Variants in FLRT2 observed in about 807,000 individuals in gnomAD.
FLRT2 encodes fibronectin leucine rich transmembrane protein 2.
FLRT2 carries 15 observed loss-of-function variants against 40.0 expected under a neutral mutation model. The observed-to-expected ratio is 0.38, with a 90% CI of 0.25 to 0.58. FLRT2 has a LOEUF of 0.58. FLRT2 is among the 20% of genes least tolerant of loss of function. The probability of loss-of-function intolerance (pLI) is 0.71; values close to 1 mark genes in which losing one functional copy is unlikely to be tolerated. For missense variants in FLRT2, 726 were observed against 840.0 expected (o/e 0.86, Z 1.68); for synonymous variants, 380 against 336.8 (o/e 1.13, Z -1.41).
chr14:85,605,402 G>A (rs1892560681), intron 1 of FLRT2, among the ~76,000 whole-genome samples: 1 of 152,132 alleles, frequency 6.6e-6, no homozygotes, highest in African/African-American at 2.4e-5. Flanking sequence ...AACTTATATA[G>A]TGTACATGTT....
In FLRT2 at chr14:85,637,936, A is replaced by G. The variant is rs928912852; in HGVS notation, c.*14439A>G. 6 of 152,082 alleles carry G rather than the reference A, an allele frequency of 3.9e-5. No homozygotes were observed. Among genetic ancestry groups the G allele is most frequent in the Admixed American group, 3.9e-4 (6 of 15,260 alleles). The allele number at this position is 152,082 out of a possible 1,614,324, so 9.4% of individuals were successfully genotyped here. On this transcript the variant is annotated 3_prime_UTR_variant, in exon 2 of 2. Transcript: ENST00000330753. ...TTCTCTCTTGTCCTTACTCTGCTCC[A>G]CCATCCTCCACTGTGCTTGAAATGC...
intron 1 of FLRT2, among the ~76,000 whole-genome samples, chr14:85,586,572 T>C (rs192920213): frequency 1.9e-4 from 29 of 152,264 alleles, no homozygotes; most frequent in Admixed American, 3.3e-4. Context: ...ATACTTACAA[T>C]TGATGCTTTA....
intron 1 of FLRT2, among the ~76,000 whole-genome samples, chr14:85,612,686 T>A (rs1244262523): frequency 6.6e-6 from 1 of 152,218 alleles, no homozygotes; most frequent in African/African-American, 2.4e-5. Flanking sequence ...CACCTCAGCA[T>A]GACAGGTGTT....
chr14:85,551,320 A>T (rs1187036924), intron 1 of FLRT2, among the ~76,000 whole-genome samples: 1 of 152,180 alleles, frequency 6.6e-6, no homozygotes, highest in Non-Finnish European at 1.5e-5. Flanking sequence ...CATAACTGAT[A>T]TGATGTAAGG....
In FLRT2 at chr14:85,647,027, T is replaced by G. The variant is rs1391877415; in HGVS notation, c.*23530T>G. 2.0e-5 allele frequency: 3 copies of G among 152,192 alleles called. No homozygotes were observed. Among genetic ancestry groups the G allele is most frequent in the Non-Finnish European group, 4.4e-5 (3 of 68,044 alleles). The allele number at this position is 152,192 out of a possible 1,614,324, so 9.4% of individuals were successfully genotyped here. ...CAATTACTTGATGAACAGCTATGAA[T>G]GTTGTTTCTTTTTCTTAGACAAAGT... On this transcript the variant is annotated 3_prime_UTR_variant, in exon 2 of 2. Coordinates refer to ENST00000330753, the MANE Select transcript of FLRT2 (RefSeq NM_013231.6).
At chr14:85,575,942 T>G (rs1419828516) in intron 1 of FLRT2, among the ~76,000 whole-genome samples, 2 of 152,218 alleles carry the variant, frequency 1.3e-5, no homozygotes, top group African/African-American at 4.8e-5. Context: ...GGGGTATAGC[T>G]TTTAAGGAGT....
At chr14:85,532,340 A>T (rs1888338557) in intron 1 of FLRT2, among the ~76,000 whole-genome samples, 1 of 152,230 alleles carries the variant, frequency 6.6e-6, no homozygotes, top group Non-Finnish European at 1.5e-5. Flanking sequence ...TTGTTACAAC[A>T]TGACAGCAAC....
intron 1 of FLRT2, among the ~76,000 whole-genome samples, chr14:85,614,613 T>G (rs1893041461): frequency 6.6e-6 from 1 of 152,190 alleles, no homozygotes; most frequent in African/African-American, 2.4e-5. Flanking sequence ...CAGCCCCACT[T>G]GGGAAAGTTG....
At chr14:85,598,072 T>C (rs1329662066) in intron 1 of FLRT2, among the ~76,000 whole-genome samples, 3 of 152,232 alleles carry the variant, frequency 2.0e-5, no homozygotes, top group Non-Finnish European at 4.4e-5. Context: ...CACTCAAAAC[T>C]GTCAATCTAG....
At chr14:85,565,547 A>C (rs1452937478) in intron 1 of FLRT2, among the ~76,000 whole-genome samples, 3 of 152,182 alleles carry the variant, frequency 2.0e-5, no homozygotes, top group Non-Finnish European at 4.4e-5. Context: ...TTAGTGATCA[A>C]AATTTTTTTT....
rs1305679628 is a variant in FLRT2, at chr14:85,648,033, G to T, written c.*24536G>T. ...TTTTCCCTACAATTTTATAAAAATG[G>T]TGATACATTTGTAATTTGTCCCTCA... is the stretch of plus-strand genomic sequence containing the variant. On this transcript the variant is annotated 3_prime_UTR_variant, in exon 2 of 2. Coordinates refer to ENST00000330753, the MANE Select transcript of FLRT2 (RefSeq NM_013231.6). 1 of 152,062 alleles carries T rather than the reference G, an allele frequency of 6.6e-6. No individual in the cohort carries two copies. Among genetic ancestry groups the T allele is most frequent in the East Asian group, 1.9e-4 (1 of 5,196 alleles). The allele number at this position is 152,062 out of a possible 1,614,324, so 9.4% of individuals were successfully genotyped here. A position where few individuals can be genotyped will look rare whatever the true frequency, so the allele number is the denominator to read the frequency against.
intron 1 of FLRT2, among the ~76,000 whole-genome samples, chr14:85,533,700 G>A (rs1888448239): frequency 6.6e-6 from 1 of 152,038 alleles, no homozygotes; most frequent in African/African-American, 2.4e-5. Flanking sequence ...CGGTGGTGGC[G>A]GAGGACGGGG....
In FLRT2 at chr14:85,637,463, A is replaced by G. The variant is rs564945814; in HGVS notation, c.*13966A>G. The stretch of plus-strand genomic sequence containing the variant: ...TACCACAGTGTTGGTGTGAAGACTC[A>G]TTTAAAGTTACTAGCACAGTGTCTA... On this transcript the variant is annotated 3_prime_UTR_variant, in exon 2 of 2. Coordinates refer to ENST00000330753, the MANE Select transcript of FLRT2 (RefSeq NM_013231.6). The G allele has an allele frequency of 6.6e-6, 1 of 152,346 alleles. No individual in the cohort carries two copies. The highest frequency in any genetic ancestry group is 1.9e-4 in the East Asian group (1 of 5,182). The allele number at this position is 152,346 out of a possible 1,614,324, so 9.4% of individuals were successfully genotyped here. A position where few individuals can be genotyped will look rare whatever the true frequency, so the allele number is the denominator to read the frequency against.
intron 1 of FLRT2, among the ~76,000 whole-genome samples, chr14:85,535,909 TTTTTTTTTTTTTG>T (rs1291838832): frequency 3.0e-4 from 24 of 80,568 alleles, no homozygotes; most frequent in African/African-American, 1.2e-3. Context: ...TTTTTTTTTT[TTTTTTTTTTTTTG>T]TTGTTGTTGT....
At position 85,644,955 on chromosome 14, in the gene FLRT2, T is replaced by G. The variant is rs1466144775; in HGVS notation, c.*21458T>G. The G allele has an allele frequency of 1.3e-5, 2 of 152,174 alleles. No homozygotes were observed. The highest frequency in any genetic ancestry group is 1.3e-4 in the Admixed American group (2 of 15,268). The allele number at this position is 152,174 out of a possible 1,614,324, so 9.4% of individuals were successfully genotyped here. On this transcript the variant is annotated 3_prime_UTR_variant, in exon 2 of 2. Transcript: ENST00000330753. ...GTGGTTCTGAAGCAAAATCATGCTT[T>G]CTTTCTTAGATTATTAATCTCCTTG... is the stretch of plus-strand genomic sequence containing the variant.
Position 85,622,385 on chromosome 14 carries a change from C to A in FLRT2, c.871C>A (p.Leu291Met). Residue 291 changes from leucine to methionine, a missense_variant, in exon 2 of 2, where the codon CTG becomes ATG. Leu to Met is a conservative substitution (Grantham distance 15). Coordinates refer to ENST00000330753, the MANE Select transcript of FLRT2 (RefSeq NM_013231.6). ...TATATCCAACAACCAACTGCGGATG[C>A]TGACTCAAGGGGTTTTTGATAATCT... ...LDISNNQLRMLTQGVFDNLSN... is the reference protein window; with the variant it reads ...LDISNNQLRMMTQGVFDNLSN... 1 of 1,614,144 alleles carries A rather than the reference C, an allele frequency of 6.2e-7. No homozygotes were observed. The highest frequency in any genetic ancestry group is 8.5e-7 in the Non-Finnish European group (1 of 1,180,008).
At chr14:85,559,072 G>A (rs571461042) in intron 1 of FLRT2, among the ~76,000 whole-genome samples, 3 of 152,314 alleles carry the variant, frequency 2.0e-5, no homozygotes, top group South Asian at 4.1e-4. Context: ...ACATGCATGT[G>A]TACACATACA....
At chr14:85,556,520 C>T (rs1002280170) in intron 1 of FLRT2, among the ~76,000 whole-genome samples, 23 of 152,188 alleles carry the variant, frequency 1.5e-4, no homozygotes, top group African/African-American at 4.8e-4. Flanking sequence ...CTCTGCAGGG[C>T]GCACCTATGC....
Position 85,631,202 on chromosome 14 carries a change from C to G in FLRT2, c.*7705C>G, listed in dbSNP as rs1399532101. The stretch of plus-strand genomic sequence containing the variant: ...GTTCCTTCAAACCACTATATATGTG[C>G]TCAAGGTCTTTCATCCTGTGACATT... On this transcript the variant is annotated 3_prime_UTR_variant, in exon 2 of 2. Transcript: ENST00000330753. 6.8e-6 allele frequency: 1 copy of G among 146,860 alleles called. No homozygotes were observed. Among genetic ancestry groups the G allele is most frequent in the Non-Finnish European group, 1.5e-5 (1 of 67,404 alleles). The allele number at this position is 146,860 out of a possible 1,614,324, so 9.1% of individuals were successfully genotyped here. A position where few individuals can be genotyped will look rare whatever the true frequency, so the allele number is the denominator to read the frequency against.
Sources: gnomAD v4.1 joint callset for allele counts (sites outside exome capture counted in the v4.1 genomes callset) on GRCh38, gnomAD v4.1.1 for gene constraint, MANE v1.5 for transcripts, NCBI Gene and HGNC (gene_info 2026-07-23, HGNC 2026-07-21) for gene names.